The following SRPK2 variants were observed in gnomAD, a reference collection of about 807,000 sequenced individuals.
The protein encoded by SRPK2 is SFRS protein kinase 2.
A neutral mutation model predicts 90.8 loss-of-function variants in SRPK2; 21 were observed. That is an observed-to-expected ratio of 0.23 (90% CI 0.16 to 0.33). SRPK2 has a LOEUF of 0.33. Among genes scored for constraint, SRPK2 ranks in the 10% least tolerant of loss-of-function variants. The probability of loss-of-function intolerance (pLI) is 1.00; values close to 1 mark genes in which losing one functional copy is unlikely to be tolerated. For synonymous variants in SRPK2, 288 were observed against 311.1 expected (o/e 0.93, Z 0.78); for missense variants, 620 against 869.0 (o/e 0.71, Z 3.60).
At chr7:105,282,103 GA>G (rs1254947990) in intron 2 of SRPK2, among the ~76,000 whole-genome samples, 12 of 152,328 alleles carry the variant, frequency 7.9e-5, no homozygotes, top group African/African-American at 2.9e-4. Flanking sequence ...AAAGTGTGAG[GA>G]AAGAGGCCTA....
At chr7:105,388,568 G>C in intron 2 of SRPK2, 80 bp downstream of exon 2, 2 of 1,355,476 alleles carry the variant, frequency 1.5e-6, no homozygotes, top group Non-Finnish European at 1.0e-6. Context: ...CGGGGACCCG[G>C]ACAACTTTCC....
chr7:105,181,893 AAAACAGAAAAC>A (rs1316105368), intron 3 of SRPK2, among the ~76,000 whole-genome samples: 5 of 147,200 alleles, frequency 3.4e-5, no homozygotes, highest in Non-Finnish European at 6.0e-5. Flanking sequence ...AAAAAAAAAA[AAAACAGAAAAC>A]ACACACACAA....
intron 3 of SRPK2, among the ~76,000 whole-genome samples, chr7:105,190,997 AT>A (rs2129604599): frequency 1.3e-5 from 2 of 152,260 alleles, no homozygotes; most frequent in Non-Finnish European, 2.9e-5. Flanking sequence ...ATGTTACACT[AT>A]TTTTTTCTAT....
intron 3 of SRPK2, among the ~76,000 whole-genome samples, chr7:105,199,043 A>G (rs550483808): frequency 6.6e-6 from 1 of 152,346 alleles, no homozygotes; most frequent in African/African-American, 2.4e-5. Flanking sequence ...ATGCTTTTGC[A>G]ATATCAGAAC....
At position 105,141,985 on chromosome 7, in the gene SRPK2, A is replaced by T. The variant is rs752232866; in HGVS notation, c.1543+23T>A. 4 of 1,585,360 alleles carry T rather than the reference A, an allele frequency of 2.5e-6. No homozygotes were observed. In the African/African-American group the frequency reaches 5.4e-5, roughly 22 times the overall value. On this transcript the variant is annotated intron_variant, in intron 11 of 15. Coordinates refer to ENST00000393651, the MANE Select transcript of SRPK2 (RefSeq NM_182692.3). Reference sequence around the variant, plus strand: ...GTCCCTGGAGTCAGCGATGGCAGACAGTTGATGGGAAGAAACACTTACCTT... The same window carrying T: ...GTCCCTGGAGTCAGCGATGGCAGACTGTTGATGGGAAGAAACACTTACCTT...
At chr7:105,391,490 C>T (rs987090491), upstream of SRPK2, among the ~76,000 whole-genome samples, 1 of 152,164 alleles carries the variant, frequency 6.6e-6, no homozygotes, top group Non-Finnish European at 1.5e-5. Context: ...CAGGCATGAG[C>T]CACTGCGCCC....
intron 2 of SRPK2, among the ~76,000 whole-genome samples, chr7:105,276,916 T>C (rs1806577730): frequency 6.6e-6 from 1 of 152,154 alleles, no homozygotes; most frequent in African/African-American, 2.4e-5. Flanking sequence ...GTTCTCCACC[T>C]TAATGCTCCA....
At chr7:105,257,599 GC>G (rs1231668721) in intron 2 of SRPK2, among the ~76,000 whole-genome samples, 1 of 152,114 alleles carries the variant, frequency 6.6e-6, no homozygotes, top group Non-Finnish European at 1.5e-5. Flanking sequence ...TATGACACCT[GC>G]AAATTTAACT....
At chr7:105,169,671 G>A (rs1473879621) in intron 3 of SRPK2, among the ~76,000 whole-genome samples, 1 of 152,182 alleles carries the variant, frequency 6.6e-6, no homozygotes, top group South Asian at 2.1e-4. Flanking sequence ...AGGCTGCAAT[G>A]AGCCTGAGTG....
At chr7:105,129,424 G>A (rs1277971961) in intron 13 of SRPK2, among the ~76,000 whole-genome samples, 1 of 152,108 alleles carries the variant, frequency 6.6e-6, no homozygotes, top group Admixed American at 6.6e-5. Context: ...TGCCCAGGCT[G>A]AGTGCAGCGG....
At chr7:105,245,762 C>T (rs542379250) in intron 2 of SRPK2, among the ~76,000 whole-genome samples, 11 of 152,186 alleles carry the variant, frequency 7.2e-5, no homozygotes, top group East Asian at 1.9e-4. Flanking sequence ...GGCTAGAGTG[C>T]GGTGGTTATT....
chr7:105,343,518 G>A (rs756529887), intron 2 of SRPK2, among the ~76,000 whole-genome samples: 1 of 152,156 alleles, frequency 6.6e-6, no homozygotes, highest in African/African-American at 2.4e-5. Flanking sequence ...ACAAGGTGAA[G>A]GCCAGGAAAT....
intron 2 of SRPK2, among the ~76,000 whole-genome samples, chr7:105,248,436 TAAAAA>T (rs56040288): frequency 7.8e-6 from 1 of 127,874 alleles, no homozygotes; most frequent in African/African-American, 3.0e-5. Flanking sequence ...ACAAAAAATT[TAAAAA>T]AAAAAAAAAA....
intron 2 of SRPK2, among the ~76,000 whole-genome samples, chr7:105,293,708 C>T (rs1054825746): frequency 2.6e-5 from 4 of 152,136 alleles, no homozygotes; most frequent in Non-Finnish European, 5.9e-5. Flanking sequence ...GCGTGAGCCA[C>T]CATGCCTGGC....
chr7:105,126,950 C>G, intron 14 of SRPK2, 43 bp downstream of exon 14: 2 of 1,594,848 alleles, frequency 1.3e-6, no homozygotes, highest in African/African-American at 2.7e-5. Context: ...TCAGGGCTGG[C>G]AGAAGACCTA....
chr7:105,203,706 G>A lies in SRPK2; in HGVS notation c.151C>T (p.Pro51Ser), dbSNP rs1162182601. 7 of 1,600,066 alleles carry A rather than the reference G, an allele frequency of 4.4e-6. No individual in the cohort carries two copies. The highest frequency in any genetic ancestry group is 6.0e-6 in the Non-Finnish European group (7 of 1,173,884). ...TCCTCCTCTGGCTCCGGGGGTGTGG[G>A]GTCTGGCAAAGGTGGCGGTGGTGGT... ...PPPPPPPLPD[P>S]TPPEPEEEIL... Residue 51 changes from proline (P) to serine (S), a missense_variant, in exon 3 of 16, where the codon CCC becomes TCC. Transcript: ENST00000393651.
At chr7:105,144,016 T>C (rs1045595093) in intron 9 of SRPK2, 1 of 152,270 alleles carries the variant, frequency 6.6e-6, no homozygotes, top group African/African-American at 2.4e-5. Context: ...TAAAGCTCCC[T>C]CTTGTTCCAG....
At chr7:105,340,313 A>G (rs1468357350) in intron 2 of SRPK2, among the ~76,000 whole-genome samples, 1 of 151,734 alleles carries the variant, frequency 6.6e-6, no homozygotes, top group Non-Finnish European at 1.5e-5. Flanking sequence ...AAAGCAGTCA[A>G]TTTTTTCATG....
At chr7:105,348,569 A>C (rs530378732) in intron 2 of SRPK2, among the ~76,000 whole-genome samples, 1 of 151,516 alleles carries the variant, frequency 6.6e-6, no homozygotes, top group South Asian at 2.1e-4. Flanking sequence ...CATTACAGGC[A>C]CCCGCCATCA....
Sources: allele counts gnomAD v4.1 joint callset (sites outside exome capture counted in the v4.1 genomes callset), GRCh38; gene constraint gnomAD v4.1.1; transcripts MANE v1.5; gene names NCBI Gene and HGNC (gene_info 2026-07-23, HGNC 2026-07-21).